The following VPS13A variants were observed in gnomAD, a reference collection of about 807,000 sequenced individuals.
VPS13A encodes the protein intermembrane lipid transfer protein VPS13A.
In VPS13A, 264 loss-of-function variants were observed where a neutral mutation model predicts 390.9. The ratio of observed to expected loss-of-function variants is 0.68; its 90% CI spans 0.61 to 0.75. The LOEUF (loss-of-function observed/expected upper bound fraction) is 0.75, where lower values mean the gene tolerates loss of function less well. Ranked by LOEUF, VPS13A falls within the 30% of genes least tolerant of loss-of-function variation. VPS13A has a pLI of 0.00. For missense variants in VPS13A, 3,409 were observed against 3,733.9 expected (o/e 0.91, Z 2.27); for synonymous variants, 1,231 against 1,227.1 (o/e 1.00, Z -0.07).
chr9:77,237,920 TA>T, intron 17 of VPS13A, 81 bp from the exon 18 acceptor site: 1 of 1,095,450 alleles, frequency 9.1e-7, no homozygotes, highest in East Asian at 2.5e-5. Flanking sequence ...TTGTCTTCAT[TA>T]ATTTTTTAAA....
rs745449192 is a variant in VPS13A at position 77,214,406 on chromosome 9, TA to T, written c.754+27del. ...ATTTTGGTAAGTACATTTTATAAGATAAAAAAAGTAGTTAAAGTAATTGGTA... is the reference window on the plus strand; with the variant it reads ...ATTTTGGTAAGTACATTTTATAAGATAAAAAAGTAGTTAAAGTAATTGGTA... On this transcript the variant is annotated intron_variant, in intron 10 of 71. Transcript: ENST00000360280. 13 of 1,590,186 alleles carry T rather than the reference TA, an allele frequency of 8.2e-6. No individual in the cohort carries two copies. The highest frequency in any genetic ancestry group is 1.1e-5 in the South Asian group (1 of 90,440).
At chr9:77,275,803 GCC>G in intron 25 of VPS13A, 151 bp downstream of exon 25, 1 of 913,202 alleles carries the variant, frequency 1.1e-6, no homozygotes, top group Non-Finnish European at 1.6e-6. Flanking sequence ...GTCACTCCCC[GCC>G]CCCCCCTTTT....
Position 77,210,636 on chromosome 9 carries a change from G to T in VPS13A, c.516G>T (p.Pro172=), listed in dbSNP as rs141109675. 6.2e-7 allele frequency: 1 copy of T among 1,613,654 alleles called. No homozygotes were observed. The highest frequency in any genetic ancestry group is 8.5e-7 in the Non-Finnish European group (1 of 1,179,944). Residue 172 remains proline, a synonymous_variant, in exon 7 of 72, where the codon CCG becomes CCT. Transcript: ENST00000360280. ...YEDDITNRDK[P]LSFGISLQNL... ...TTTAGATCACAAATCGGGACAAACC[G>T]CTGTCATTTGGTATTTCCCTTCAAA...
At chr9:77,371,572 T>C (rs1028964209) in intron 67 of VPS13A, among the ~76,000 whole-genome samples, 2 of 152,010 alleles carry the variant, frequency 1.3e-5, no homozygotes, top group African/African-American at 4.8e-5. Flanking sequence ...CAACACATGC[T>C]CTTGGAGGGA....
chr9:77,209,728 C>T (rs1201496409), intron 6 of VPS13A, among the ~76,000 whole-genome samples, 196 bp downstream of exon 6: 2 of 152,086 alleles, frequency 1.3e-5, no homozygotes, highest in African/African-American at 2.4e-5. Context: ...TTTACACTTT[C>T]CCAAAATGTT....
chr9:77,294,226 A>G (rs1827844870), intron 32 of VPS13A, among the ~76,000 whole-genome samples: 1 of 152,028 alleles, frequency 6.6e-6, no homozygotes, highest in East Asian at 1.9e-4. Flanking sequence ...AGAAAATCAT[A>G]TTTTCGATTG....
rs143971072 is a variant in VPS13A at position 77,358,157 on chromosome 9, T to A, written c.7954-200T>A. ...TTTTAGTAGAGACGGGGTTTCACCA[T>A]GTGGGCCAGGCTGGTCTCAAACTCC... On this transcript the variant is annotated intron_variant, in intron 56 of 71. Transcript: ENST00000360280. Among the ~76,000 whole-genome samples the A allele has an allele frequency of 5.7e-3, 867 of 151,912 alleles. 12 individuals carry two copies. The highest frequency in any genetic ancestry group is 0.02 in the African/African-American group (836 of 41,406).
intron 71 of VPS13A, among the ~76,000 whole-genome samples, chr9:77,408,671 C>T (rs145614450): frequency 1.4e-4 from 22 of 152,360 alleles, no homozygotes; most frequent in Middle Eastern, 3.4e-3. Context: ...GAGGGTCCTA[C>T]GCCCACGGAG....
At chr9:77,325,346 T>G (rs185038387) in intron 45 of VPS13A, among the ~76,000 whole-genome samples, 210 of 151,638 alleles carry the variant, frequency 1.4e-3, no homozygotes, top group Non-Finnish European at 2.3e-3. Context: ...TGGGGACCCA[T>G]GCATTAAAGT....
At chr9:77,260,863 GTGTA>G (rs2131295281) in intron 23 of VPS13A, among the ~76,000 whole-genome samples, 1 of 151,842 alleles carries the variant, frequency 6.6e-6, no homozygotes, top group African/African-American at 2.4e-5. Context: ...GCATGTGTGT[GTGTA>G]TGTAGTATGT....
chr9:77,399,181 T>TAAAAA (rs1223344360), intron 68 of VPS13A, among the ~76,000 whole-genome samples: 14 of 34,970 alleles, frequency 4.0e-4, no homozygotes, highest in African/African-American at 6.4e-4. Context: ...AAAAAAAAAA[T>TAAAAA]AAAAAAAAAA....
At chr9:77,247,139 A>G in intron 19 of VPS13A, 120 bp from the exon 20 acceptor site, 1 of 869,476 alleles carries the variant, frequency 1.2e-6, no homozygotes, top group Non-Finnish European at 1.7e-6. Flanking sequence ...TGCTGAGGTC[A>G]TTTTAAAATT....
intron 69 of VPS13A, among the ~76,000 whole-genome samples, chr9:77,405,287 A>C (rs1175817872): frequency 1.3e-5 from 2 of 152,150 alleles, no homozygotes; most frequent in Non-Finnish European, 2.9e-5. Context: ...ACATGGTTAG[A>C]AAAGCTTTTT....
intron 69 of VPS13A, 108 bp from the exon 70 acceptor site, chr9:77,405,756 T>C (rs1834571294): frequency 7.4e-7 from 1 of 1,360,004 alleles, no homozygotes; most frequent in Non-Finnish European, 1.0e-6. Flanking sequence ...ATATAGTCTA[T>C]GTTGATGAAT....
intron 10 of VPS13A, among the ~76,000 whole-genome samples, chr9:77,216,262 AG>A (rs1822857397): frequency 6.6e-6 from 1 of 152,180 alleles, no homozygotes; most frequent in African/African-American, 2.4e-5. Context: ...GCTATGAAGG[AG>A]AAGTTTGGAG....
At chr9:77,393,876 C>A (rs1834004742) in intron 68 of VPS13A, among the ~76,000 whole-genome samples, 1 of 152,134 alleles carries the variant, frequency 6.6e-6, no homozygotes, top group Admixed American at 6.5e-5. Flanking sequence ...TCAAGCAATT[C>A]TCCTGTCTCG....
At chr9:77,270,003 G>C (rs768493095) in intron 23 of VPS13A, among the ~76,000 whole-genome samples, 1 of 152,220 alleles carries the variant, frequency 6.6e-6, no homozygotes, top group Non-Finnish European at 1.5e-5. Flanking sequence ...TCATCTGCAA[G>C]TTAACGATAG....
At chr9:77,317,029 G>A (rs140350480) in intron 39 of VPS13A, among the ~76,000 whole-genome samples, 2 of 152,098 alleles carry the variant, frequency 1.3e-5, no homozygotes, top group African/African-American at 4.8e-5. Context: ...AGAAGCATAA[G>A]TTTTTGTTTG....
intron 1 of VPS13A, among the ~76,000 whole-genome samples, chr9:77,179,687 G>GTT (rs142930729): frequency 4.7e-4 from 62 of 130,906 alleles, no homozygotes; most frequent in African/African-American, 1.3e-3. Flanking sequence ...TGGGTTGTAC[G>GTT]TTTTTTTTTT....
Sources: allele counts gnomAD v4.1 joint callset (sites outside exome capture counted in the v4.1 genomes callset), GRCh38; gene constraint gnomAD v4.1.1; transcripts MANE v1.5; gene names NCBI Gene and HGNC (gene_info 2026-07-23, HGNC 2026-07-21).